Variants in RPH3AL observed in about 807,000 individuals in gnomAD.
The protein encoded by RPH3AL is rab effector Noc2.
Under a neutral mutation model 43.1 loss-of-function variants are expected in RPH3AL, and 38 were observed. The ratio of observed to expected loss-of-function variants is 0.88; its 90% CI spans 0.68 to 1.15. RPH3AL has a LOEUF of 1.15. Among genes scored for constraint, RPH3AL ranks in the 50% most tolerant of loss-of-function variants. The probability of loss-of-function intolerance (pLI) is 0.00; values close to 1 mark genes in which losing one functional copy is unlikely to be tolerated. For synonymous variants in RPH3AL, 189 were observed against 176.3 expected (o/e 1.07, Z -0.57); for missense variants, 462 against 423.2 (o/e 1.09, Z -0.81).
chr17:319,609 G>A (rs933307321), intron 4 of RPH3AL, 60 bp from the exon 5 acceptor site: 6 of 1,593,054 alleles, frequency 3.8e-6, no homozygotes, highest in Admixed American at 1.7e-5. Flanking sequence ...CAGTTGCACT[G>A]AGGCCCGAAA....
chr17:327,293 G>A (rs909702650), intron 3 of RPH3AL, among the ~76,000 whole-genome samples, 174 bp downstream of exon 3: 3 of 152,204 alleles, frequency 2.0e-5, no homozygotes, highest in Non-Finnish European at 4.4e-5. Flanking sequence ...AATTCTGCAT[G>A]GTAGTTAAAT....
At chr17:340,717 C>T (rs1598165278) in intron 1 of RPH3AL, among the ~76,000 whole-genome samples, 2 of 128,434 alleles carry the variant, frequency 1.6e-5, no homozygotes, top group Non-Finnish European at 3.2e-5. Context: ...TCCCCACATC[C>T]ACACTCACTG....
At chr17:297,680 G>A (rs137969602) in intron 5 of RPH3AL, among the ~76,000 whole-genome samples, 3 of 152,316 alleles carry the variant, frequency 2.0e-5, no homozygotes, top group African/African-American at 7.2e-5. Flanking sequence ...AGAGCCTGAT[G>A]CCCAAGACAC....
At chr17:222,992 C>A (rs1433866903) in intron 7 of RPH3AL, among the ~76,000 whole-genome samples, 1 of 152,130 alleles carries the variant, frequency 6.6e-6, no homozygotes, top group Non-Finnish European at 1.5e-5. Flanking sequence ...GAGCTCAAGA[C>A]CAGGCTGGCT....
rs373780238 is a variant in RPH3AL at position 319,447 on chromosome 17, C to G, written c.324G>C (p.Ser108=). 5.6e-6 allele frequency: 9 copies of G among 1,612,432 alleles called. No individual in the cohort carries two copies. In the African/African-American group the frequency reaches 8.0e-5, roughly 14 times the overall value. ...TCCTGCAGTCTTTGCAGAACACCGA[C>G]GAGCTGCCCAGGAAGCCCAGCACCT... ...CGEVLGFLGS[S]SVFCKDCRKK... Residue 108 remains serine, a synonymous_variant, in exon 5 of 10, where the codon TCG becomes TCC. Coordinates refer to ENST00000331302, the MANE Select transcript of RPH3AL (RefSeq NM_006987.4).
chr17:214,312 T>A (rs1264926543), intron 9 of RPH3AL, among the ~76,000 whole-genome samples: 1 of 152,200 alleles, frequency 6.6e-6, no homozygotes, highest in Non-Finnish European at 1.5e-5. Flanking sequence ...GGACATTTAC[T>A]GAGGACCTCC....
intron 6 of RPH3AL, among the ~76,000 whole-genome samples, chr17:251,460 C>T (rs1394196412): frequency 2.0e-5 from 3 of 152,212 alleles, no homozygotes; most frequent in African/African-American, 7.2e-5. Flanking sequence ...CAGCACACCC[C>T]TCTGTTGGCC....
At chr17:218,816 T>A (rs566935876) in intron 8 of RPH3AL, among the ~76,000 whole-genome samples, 10 of 152,304 alleles carry the variant, frequency 6.6e-5, no homozygotes, top group African/African-American at 2.4e-4. Context: ...GAGAAGGAAA[T>A]GCAGGCCCAG....
chr17:321,371 T>C lies in RPH3AL; in HGVS notation c.122A>G (p.Gln41Arg). The change falls in exon 4 of 10, where the codon CAG (glutamine) becomes CGG (arginine). Residue 41 changes from glutamine to arginine, a missense_variant. Gln to Arg is a conservative substitution (Grantham distance 43, BLOSUM62 1). Coordinates refer to ENST00000331302, the MANE Select transcript of RPH3AL (RefSeq NM_006987.4). ...WSVHTYQTEKQRRKQHLSPAE... is the reference protein window; with the variant it reads ...WSVHTYQTEKRRRKQHLSPAE... ...CGGGCTGAGGTGCTGCTTCCTCCTCTGCTTCTCCGTCTGGTAGGTGTGCAC... is the reference window on the plus strand; with the variant it reads ...CGGGCTGAGGTGCTGCTTCCTCCTCCGCTTCTCCGTCTGGTAGGTGTGCAC... 6 of 1,611,378 alleles carry C rather than the reference T, an allele frequency of 3.7e-6. No individual in the cohort carries two copies. Among genetic ancestry groups the C allele is most frequent in the Non-Finnish European group, 5.1e-6 (6 of 1,179,920 alleles).
At chr17:235,320 G>A (rs375135686) in intron 7 of RPH3AL, among the ~76,000 whole-genome samples, 4 of 149,214 alleles carry the variant, frequency 2.7e-5, no homozygotes, top group Non-Finnish European at 3.0e-5. Context: ...AGCTGGGGTC[G>A]GCCGAGGCTC....
chr17:281,513 CCCA>C (rs1392375894), intron 6 of RPH3AL, among the ~76,000 whole-genome samples: 1 of 151,990 alleles, frequency 6.6e-6, no homozygotes, highest in Non-Finnish European at 1.5e-5. Context: ...CTCGGACTCT[CCCA>C]CGTGTAGAAC....
intron 2 of RPH3AL, chr17:331,584 G>A: frequency 7.8e-7 from 1 of 1,283,070 alleles, no homozygotes; most frequent in African/African-American, 1.5e-5. Flanking sequence ...GGCAACTCGA[G>A]GAGGCACATT....
chr17:268,496 T>C (rs2042372772), intron 6 of RPH3AL, among the ~76,000 whole-genome samples: 1 of 151,826 alleles, frequency 6.6e-6, no homozygotes, highest in African/African-American at 2.4e-5. Flanking sequence ...AACAGTAGAC[T>C]ATTAGTTAAG....
At chr17:253,887 T>A (rs370736364) in intron 6 of RPH3AL, among the ~76,000 whole-genome samples, 23 of 35,768 alleles carry the variant, frequency 6.4e-4, no homozygotes, top group African/African-American at 1.8e-3. Flanking sequence ...GTGACTACCC[T>A]ACGTACTTCC....
At chr17:325,715 G>A (rs1344240333) in intron 3 of RPH3AL, among the ~76,000 whole-genome samples, 2 of 152,348 alleles carry the variant, frequency 1.3e-5, no homozygotes, top group African/African-American at 4.8e-5. Flanking sequence ...TTTAAGACCA[G>A]GGACTGTGTT....
At chr17:304,830 A>G (rs4990301) in intron 5 of RPH3AL, among the ~76,000 whole-genome samples, 27,129 of 149,402 alleles carry the variant, frequency 0.18, 3,203 homozygotes, top group East Asian at 0.36. Context: ...TTTTTAAATG[A>G]TTTAAAACCT....
At chr17:338,022 C>G (rs961157517) in intron 1 of RPH3AL, among the ~76,000 whole-genome samples, 3 of 152,236 alleles carry the variant, frequency 2.0e-5, no homozygotes, top group Admixed American at 1.3e-4. Flanking sequence ...TCCCCCATCT[C>G]AAGTGCCAGC....
chr17:214,302 G>C (rs1335497850), intron 9 of RPH3AL, among the ~76,000 whole-genome samples: 1 of 152,174 alleles, frequency 6.6e-6, no homozygotes, highest in African/African-American at 2.4e-5. Context: ...CTTTATCACT[G>C]GACATTTACT....
At chr17:320,977 G>T (rs115770631) in intron 4 of RPH3AL, among the ~76,000 whole-genome samples, 2,025 of 152,272 alleles carry the variant, frequency 0.013, 50 homozygotes, top group African/African-American at 0.046. Context: ...GGTGTGCACA[G>T]CCGAACAGCT....
Sources: allele counts gnomAD v4.1 joint callset (sites outside exome capture counted in the v4.1 genomes callset), GRCh38; gene constraint gnomAD v4.1.1; transcripts MANE v1.5; gene names NCBI Gene and HGNC (gene_info 2026-07-23, HGNC 2026-07-21).